Variants in GRIK3 observed in about 807,000 individuals in gnomAD.
The protein encoded by GRIK3 is glutamate ionotropic receptor kainate type subunit 3.
GRIK3 carries 29 observed loss-of-function variants against 102.5 expected under a neutral mutation model. That is an observed-to-expected ratio of 0.28 (90% CI 0.21 to 0.39). The LOEUF (loss-of-function observed/expected upper bound fraction) is 0.39, where lower values mean the gene tolerates loss of function less well. GRIK3 is among the 10% of genes least tolerant of loss of function. The pLI, the probability that GRIK3 is intolerant of heterozygous loss-of-function variation, is 1.00. For synonymous variants in GRIK3, 511 were observed against 504.9 expected (o/e 1.01, Z -0.16); for missense variants, 908 against 1,252.4 (o/e 0.73, Z 4.15).
At chr1:36,979,448 C>G (rs1486745572) in intron 1 of GRIK3, among the ~76,000 whole-genome samples, 1 of 152,250 alleles carries the variant, frequency 6.6e-6, no homozygotes, top group Non-Finnish European at 1.5e-5. Flanking sequence ...TGCAGGAATG[C>G]TCTCGATTTG....
intron 3 of GRIK3, among the ~76,000 whole-genome samples, chr1:36,878,506 G>A (rs146298667): frequency 1.4e-3 from 217 of 152,362 alleles, no homozygotes; most frequent in African/African-American, 5.0e-3. Context: ...TGAATCACAG[G>A]CAGCTGAGAG....
intron 10 of GRIK3, among the ~76,000 whole-genome samples, chr1:36,829,089 T>C (rs1372054331): frequency 1.3e-5 from 2 of 152,234 alleles, no homozygotes; most frequent in Non-Finnish European, 2.9e-5. Flanking sequence ...TGTTCTCCCT[T>C]GGGCTTCAGG....
chr1:36,932,239 G>A (rs1332484517), intron 1 of GRIK3, among the ~76,000 whole-genome samples: 1 of 152,096 alleles, frequency 6.6e-6, no homozygotes, highest in Non-Finnish European at 1.5e-5. Flanking sequence ...GACTTCATTC[G>A]ATGCTTGTTT....
chr1:36,841,868 G>A lies in GRIK3; in HGVS notation c.1398C>T (p.Cys466=). The A allele has an allele frequency of 1.9e-6, 3 of 1,614,176 alleles. No homozygotes were observed. Among genetic ancestry groups the A allele is most frequent in the Non-Finnish European group, 2.5e-6 (3 of 1,179,998 alleles). The change falls in exon 10 of 16, where the codon TGC becomes TGT. Residue 466 remains cysteine (C), a synonymous_variant. Transcript: ENST00000373091. ...GGGCCAGCTCCTTTAGCAGGTCGATGCAGTAGCCCTCGAACCGGTCATTCC... is the reference window on the plus strand; with the variant it reads ...GGGCCAGCTCCTTTAGCAGGTCGATACAGTAGCCCTCGAACCGGTCATTCC... ...LYGNDRFEGY[C]IDLLKELAHI... is the part of the protein sequence containing the mutation.
intron 1 of GRIK3, among the ~76,000 whole-genome samples, chr1:36,913,128 G>C (rs1265491782): frequency 6.6e-6 from 1 of 152,182 alleles, no homozygotes; most frequent in East Asian, 1.9e-4. Context: ...GGCATGAGTA[G>C]GCAGCTGCAC....
At position 36,958,235 on chromosome 1, in the gene GRIK3, G is replaced by C. The variant is rs189758570; in HGVS notation, c.116-67139C>G. On this transcript the variant is annotated intron_variant, in intron 1 of 15. Coordinates refer to ENST00000373091, the MANE Select transcript of GRIK3 (RefSeq NM_000831.4). ...TGTGCCCCGTGAGCCTGTGTGCCCCGTGAGCCTGTGTGTCCCATGACTCTG... is the reference window on the plus strand; with the variant it reads ...TGTGCCCCGTGAGCCTGTGTGCCCCCTGAGCCTGTGTGTCCCATGACTCTG... Among the ~76,000 whole-genome samples, 226 of 96,928 alleles carry C rather than the reference G, an allele frequency of 2.3e-3. 1 individual carries two copies. Among genetic ancestry groups the C allele is most frequent in the African/African-American group, 3.0e-3 (66 of 22,050 alleles). 63.6% of individuals were successfully genotyped at this position (96,928 alleles called of 152,430 possible).
intron 7 of GRIK3, among the ~76,000 whole-genome samples, chr1:36,854,288 C>T (rs1252353608): frequency 6.6e-6 from 1 of 152,152 alleles, no homozygotes; most frequent in Admixed American, 6.5e-5. Context: ...CCCGTCTGCC[C>T]CAGTTTCCTC....
At chr1:36,997,173 C>A (rs961553129) in intron 1 of GRIK3, among the ~76,000 whole-genome samples, 3 of 152,114 alleles carry the variant, frequency 2.0e-5, no homozygotes, top group Non-Finnish European at 4.4e-5. Flanking sequence ...TCCACCCAAC[C>A]AAGTCACAAC....
At chr1:36,821,815 C>A (rs916293894) in intron 11 of GRIK3, among the ~76,000 whole-genome samples, 2 of 152,228 alleles carry the variant, frequency 1.3e-5, no homozygotes, top group African/African-American at 4.8e-5. Context: ...TCTGAACAAC[C>A]TGGAAGGTGG....
chr1:36,918,956 C>A (rs921433157), intron 1 of GRIK3, among the ~76,000 whole-genome samples: 2 of 152,218 alleles, frequency 1.3e-5, no homozygotes, highest in African/African-American at 4.8e-5. Context: ...ACTGGAGATA[C>A]AGCGCTGAAC....
At chr1:36,995,744 C>T (rs1401274668) in intron 1 of GRIK3, among the ~76,000 whole-genome samples, 1 of 152,136 alleles carries the variant, frequency 6.6e-6, no homozygotes, top group Non-Finnish European at 1.5e-5. Context: ...TGCAGTTTTC[C>T]CAGTTCTCTG....
chr1:36,834,929 C>T (rs1202861895), intron 10 of GRIK3, among the ~76,000 whole-genome samples: 1 of 152,212 alleles, frequency 6.6e-6, no homozygotes, highest in African/African-American at 2.4e-5. Context: ...GACATCTCTT[C>T]CTCATTCTTC....
intron 13 of GRIK3, among the ~76,000 whole-genome samples, chr1:36,813,581 G>A (rs1370289819): frequency 6.6e-6 from 1 of 152,186 alleles, no homozygotes; most frequent in Non-Finnish European, 1.5e-5. Context: ...GGCTGGGCCT[G>A]TTTCTCTGGG....
intron 1 of GRIK3, among the ~76,000 whole-genome samples, chr1:36,922,506 C>A (rs2124305623): frequency 6.6e-6 from 1 of 152,312 alleles, no homozygotes; most frequent in East Asian, 1.9e-4. Flanking sequence ...CTGGCTGCCA[C>A]CCTTCCCCTC....
chr1:36,905,284 T>G (rs1204996228), intron 1 of GRIK3, among the ~76,000 whole-genome samples: 4 of 152,146 alleles, frequency 2.6e-5, no homozygotes, highest in African/African-American at 9.7e-5. Context: ...AAGGGATGGC[T>G]CAATATTGTA....
intron 2 of GRIK3, among the ~76,000 whole-genome samples, chr1:36,884,480 G>T (rs1641017625): frequency 6.6e-6 from 1 of 152,128 alleles, no homozygotes; most frequent in Non-Finnish European, 1.5e-5. Flanking sequence ...TTCAGATTAG[G>T]CACTTCCTGA....
intron 1 of GRIK3, among the ~76,000 whole-genome samples, chr1:36,922,788 T>C (rs1286197027): frequency 6.6e-6 from 1 of 152,158 alleles, no homozygotes; most frequent in Non-Finnish European, 1.5e-5. Context: ...ATCTGTCTGC[T>C]GCGACTCCCT....
chr1:36,876,899 A>C (rs1640917582), intron 3 of GRIK3, among the ~76,000 whole-genome samples: 1 of 152,234 alleles, frequency 6.6e-6, no homozygotes, highest in South Asian at 2.1e-4. Context: ...AGTTGAATTT[A>C]ACTGAATCAA....
intron 1 of GRIK3, among the ~76,000 whole-genome samples, chr1:36,905,688 G>A (rs754801548): frequency 4.6e-5 from 7 of 152,104 alleles, no homozygotes; most frequent in East Asian, 3.9e-4. Context: ...AATATCTCTG[G>A]ATAGAAGTTT....
Sources: allele counts gnomAD v4.1 joint callset (sites outside exome capture counted in the v4.1 genomes callset), GRCh38; gene constraint gnomAD v4.1.1; transcripts MANE v1.5; gene names NCBI Gene and HGNC (gene_info 2026-07-23, HGNC 2026-07-21).